The following GALNT13 variants were observed in gnomAD, a reference collection of about 807,000 sequenced individuals.
The protein encoded by GALNT13 is UDP-GalNAc:polypeptide N-acetylgalactosaminyltransferase 13.
A neutral mutation model predicts 64.2 loss-of-function variants in GALNT13; 28 were observed. The ratio of observed to expected loss-of-function variants is 0.44; its 90% CI spans 0.32 to 0.60. GALNT13 has a LOEUF of 0.60. Ranked by LOEUF, GALNT13 falls within the 20% of genes least tolerant of loss-of-function variation. The probability of loss-of-function intolerance (pLI) is 0.05; values close to 1 mark genes in which losing one functional copy is unlikely to be tolerated. For synonymous variants in GALNT13, 214 were observed against 224.6 expected (o/e 0.95, Z 0.42); for missense variants, 577 against 669.8 (o/e 0.86, Z 1.53).
intron 8 of GALNT13, among the ~76,000 whole-genome samples, chr2:154,269,453 A>G (rs1020426936): frequency 3.3e-5 from 5 of 151,814 alleles, no homozygotes; most frequent in African/African-American, 7.2e-5. Context: ...TGGATCAGTC[A>G]TAGAAACCAA....
chr2:153,724,557 C>T, the GALNT13 span, among the ~76,000 whole-genome samples: 4 of 110,242 alleles, frequency 3.6e-5, no homozygotes, highest in Non-Finnish European at 6.9e-5. Context: ...ACCTACTCAT[C>T]TGACAAAGGG....
the GALNT13 span, among the ~76,000 whole-genome samples, chr2:153,770,058 G>T: frequency 6.6e-6 from 1 of 152,072 alleles, no homozygotes; most frequent in Admixed American, 6.5e-5. Context: ...TTTTTATGTG[G>T]TATTTCAAAC....
chr2:153,678,927 T>G, the GALNT13 span, among the ~76,000 whole-genome samples: 1 of 151,962 alleles, frequency 6.6e-6, no homozygotes, highest in Non-Finnish European at 1.5e-5. Flanking sequence ...CAATAATTGT[T>G]GAGAGTATGG....
chr2:153,113,129 G>A, the GALNT13 span, among the ~76,000 whole-genome samples: 6 of 152,076 alleles, frequency 3.9e-5, no homozygotes, highest in Admixed American at 6.5e-5. Flanking sequence ...ACATAAATAC[G>A]TCAAGAGATT....
At chr2:153,283,870 G>T in the GALNT13 span, among the ~76,000 whole-genome samples, 14 of 152,168 alleles carry the variant, frequency 9.2e-5, no homozygotes, top group African/African-American at 3.4e-4. Context: ...GCACAGGCAG[G>T]GTGGGTCAGC....
chr2:153,254,528 C>T, the GALNT13 span, among the ~76,000 whole-genome samples: 1 of 151,900 alleles, frequency 6.6e-6, no homozygotes, highest in East Asian at 1.9e-4. Flanking sequence ...ATATGTTTGC[C>T]CTTGCTTTTC....
At chr2:153,828,828 A>T in the GALNT13 span, among the ~76,000 whole-genome samples, 162 of 152,280 alleles carry the variant, frequency 1.1e-3, 2 homozygotes, top group East Asian at 0.027. Context: ...TGCTTCACTT[A>T]TAAAACTGAA....
the GALNT13 span, among the ~76,000 whole-genome samples, chr2:153,706,652 T>G: frequency 6.6e-6 from 1 of 152,222 alleles, no homozygotes; most frequent in Non-Finnish European, 1.5e-5. Context: ...TCTGGACATA[T>G]ATTTCATATC....
intron 3 of GALNT13, among the ~76,000 whole-genome samples, chr2:154,090,331 A>C (rs1292121365): frequency 6.6e-6 from 1 of 152,108 alleles, no homozygotes; most frequent in African/African-American, 2.4e-5. Context: ...CTCAATTTCT[A>C]TTTTATGAAA....
chr2:153,596,975 TAAAC>T, the GALNT13 span, among the ~76,000 whole-genome samples: 1 of 152,052 alleles, frequency 6.6e-6, no homozygotes, highest in Non-Finnish European at 1.5e-5. Flanking sequence ...AAAACACCCA[TAAAC>T]AAAATCCAAT....
At chr2:153,191,728 T>A in the GALNT13 span, among the ~76,000 whole-genome samples, 1 of 151,608 alleles carries the variant, frequency 6.6e-6, no homozygotes, top group Non-Finnish European at 1.5e-5. Context: ...TTGAAACCGA[T>A]TCAATGTTGT....
At chr2:153,307,449 A>G in the GALNT13 span, among the ~76,000 whole-genome samples, 3 of 152,198 alleles carry the variant, frequency 2.0e-5, no homozygotes, top group Admixed American at 2.0e-4. Flanking sequence ...AATAAATGGC[A>G]TTAAATTTAC....
rs535130651 is a variant in GALNT13 at position 154,024,166 on chromosome 2, ATG to A, written c.142+79531_142+79532del. Among the ~76,000 whole-genome samples, 1,223 of 152,052 alleles carry A rather than the reference ATG, an allele frequency of 8.0e-3. 18 individuals are homozygous for A. Among genetic ancestry groups the A allele is most frequent in the African/African-American group, 0.028 (1,154 of 41,446 alleles). On this transcript the variant is annotated intron_variant, in intron 3 of 12. Transcript: ENST00000392825. ...TTCAACTTTGGTGAATCTGACAGTT[ATG>A]TGTCTTGGAGTTGCTCTTCTCGAGG...
the GALNT13 span, among the ~76,000 whole-genome samples, chr2:153,734,183 C>T: frequency 1.9e-4 from 29 of 152,126 alleles, no homozygotes; most frequent in Non-Finnish European, 3.8e-4. Context: ...TCATGTTGCA[C>T]TTTGAGGTCC....
chr2:154,311,999 A>T (rs1694069088), intron 9 of GALNT13, among the ~76,000 whole-genome samples: 1 of 152,090 alleles, frequency 6.6e-6, no homozygotes, highest in Non-Finnish European at 1.5e-5. Context: ...TTGCTCAAAC[A>T]CACATGCTGT....
the GALNT13 span, among the ~76,000 whole-genome samples, chr2:153,615,731 T>G: frequency 4.6e-5 from 7 of 152,250 alleles, no homozygotes; most frequent in South Asian, 1.4e-3. Context: ...TTAAATCTTT[T>G]AAATCGAAAT....
intron 8 of GALNT13, among the ~76,000 whole-genome samples, chr2:154,298,860 CATTATATATACATT>C: frequency 8.4e-6 from 1 of 119,328 alleles, no homozygotes; most frequent in Non-Finnish European, 1.7e-5. Flanking sequence ...TTTATATATA[CATTATATATACATT>C]ATATATTATT....
the GALNT13 span, among the ~76,000 whole-genome samples, chr2:153,524,842 G>A: frequency 2.2e-4 from 34 of 152,284 alleles, no homozygotes; most frequent in East Asian, 4.8e-3. Context: ...ACACCTAGGC[G>A]AGTTCTTGTG....
chr2:153,766,383 G>A, the GALNT13 span, among the ~76,000 whole-genome samples: 1 of 152,052 alleles, frequency 6.6e-6, no homozygotes, highest in Non-Finnish European at 1.5e-5. Context: ...GGGGATTCTT[G>A]CACATAGTCG....
Sources: gnomAD v4.1 joint callset for allele counts (sites outside exome capture counted in the v4.1 genomes callset) on GRCh38, gnomAD v4.1.1 for gene constraint, MANE v1.5 for transcripts, NCBI Gene and HGNC (gene_info 2026-07-23, HGNC 2026-07-21) for gene names.